Variants in CNTN4 observed in about 807,000 individuals in gnomAD.
CNTN4 encodes contactin-4.
A neutral mutation model predicts 122.5 loss-of-function variants in CNTN4; 77 were observed. The observed-to-expected ratio is 0.63, with a 90% confidence interval of 0.52 to 0.76. The LOEUF is 0.76. Ranked by LOEUF, CNTN4 falls within the 30% of genes least tolerant of loss-of-function variation. The pLI is 0.00. For synonymous variants in CNTN4, 512 were observed against 447.0 expected (o/e 1.15, Z -1.83); for missense variants, 1,256 against 1,259.1 (o/e 1.00, Z 0.04).
intron 4 of CNTN4, among the ~76,000 whole-genome samples, chr3:2,712,330 T>A (rs2087199204): frequency 6.6e-6 from 1 of 152,156 alleles, no homozygotes; most frequent in Non-Finnish European, 1.5e-5. Context: ...CGAAAATAAA[T>A]TATTACTTGA....
chr3:2,602,330 A>G (rs1316925210), intron 4 of CNTN4, among the ~76,000 whole-genome samples: 1 of 152,210 alleles, frequency 6.6e-6, no homozygotes, highest in Non-Finnish European at 1.5e-5. Context: ...ACATGATTGT[A>G]TATTTAGAAA....
chr3:2,677,833 A>G (rs1005350139), intron 4 of CNTN4, among the ~76,000 whole-genome samples: 2 of 152,188 alleles, frequency 1.3e-5, no homozygotes, highest in Admixed American at 1.3e-4. Flanking sequence ...GCATCTTATC[A>G]TGCACAAGTC....
chr3:2,454,874 A>G (rs571175845), intron 3 of CNTN4, among the ~76,000 whole-genome samples: 1 of 152,324 alleles, frequency 6.6e-6, no homozygotes, highest in Admixed American at 6.5e-5. Context: ...AGATGAAAAT[A>G]TAGCTGTTGC....
At chr3:2,324,141 A>G (rs184823672) in intron 2 of CNTN4, among the ~76,000 whole-genome samples, 5 of 152,288 alleles carry the variant, frequency 3.3e-5, no homozygotes, top group Admixed American at 3.3e-4. Flanking sequence ...GATATTGTCT[A>G]GTGTCCTCTG....
chr3:2,425,363 C>T (rs906185764), intron 3 of CNTN4, among the ~76,000 whole-genome samples: 2 of 151,992 alleles, frequency 1.3e-5, no homozygotes, highest in Non-Finnish European at 2.9e-5. Context: ...TCAGGTTTGT[C>T]AAAGATCAGA....
At chr3:2,778,249 TAAATAAAATAAAG>T (rs2091428404) in intron 6 of CNTN4, among the ~76,000 whole-genome samples, 6 of 127,148 alleles carry the variant, frequency 4.7e-5, no homozygotes, top group African/African-American at 1.1e-4. Context: ...AATAAATAAA[TAAATAAAATAAAG>T]AAATAACTGT....
intron 2 of CNTN4, among the ~76,000 whole-genome samples, chr3:2,170,195 C>A (rs972795292): frequency 1.3e-5 from 2 of 151,816 alleles, no homozygotes; most frequent in South Asian, 4.2e-4. Flanking sequence ...GTGGCGGCGC[C>A]TGTAGTCCCA....
At chr3:2,552,330 T>C (rs1475649413) in intron 3 of CNTN4, among the ~76,000 whole-genome samples, 1 of 152,202 alleles carries the variant, frequency 6.6e-6, no homozygotes, top group Non-Finnish European at 1.5e-5. Flanking sequence ...AACAACAACT[T>C]CACTTCTTTT....
At position 2,135,041 on chromosome 3, in the gene CNTN4, T is replaced by C. The variant is rs1176639378; in HGVS notation, c.-145+34402T>C. Among the ~76,000 whole-genome samples, 5 of 152,148 alleles carry C rather than the reference T, an allele frequency of 3.3e-5. No individual in the cohort carries two copies. The South Asian group carries it at 1.0e-3, about 32-fold the overall frequency. On this transcript the variant is annotated intron_variant, in intron 2 of 24. Coordinates refer to ENST00000418658, the MANE Select transcript of CNTN4 (RefSeq NM_175607.3). ...CACAGCCCCTTACAACAAAGAGTTA[T>C]CAGGCCCAAAATGTCAGTAGTATCA...
chr3:2,169,462 G>C (rs112489226), intron 2 of CNTN4, among the ~76,000 whole-genome samples: 9 of 151,882 alleles, frequency 5.9e-5, no homozygotes, highest in Admixed American at 4.6e-4. Flanking sequence ...GCTGGAGTGC[G>C]GTGGCGCGAT....
intron 5 of CNTN4, among the ~76,000 whole-genome samples, chr3:2,742,918 C>T (rs1008817577): frequency 3.3e-5 from 5 of 152,140 alleles, no homozygotes; most frequent in African/African-American, 4.8e-5. Context: ...CTTGGTATAG[C>T]GCTTTGTAAT....
intron 2 of CNTN4, among the ~76,000 whole-genome samples, chr3:2,138,193 G>C (rs1053693004): frequency 4.0e-5 from 6 of 151,530 alleles, no homozygotes; most frequent in Non-Finnish European, 7.4e-5. Context: ...CAGCTCCCTA[G>C]TTACTGGGAC....
At chr3:2,195,473 C>G (rs904034320) in intron 2 of CNTN4, among the ~76,000 whole-genome samples, 3 of 152,004 alleles carry the variant, frequency 2.0e-5, no homozygotes, top group African/African-American at 7.3e-5. Flanking sequence ...TATGGCAGTT[C>G]TATTTTTAGT....
At chr3:2,414,593 C>G (rs1559531610) in intron 3 of CNTN4, among the ~76,000 whole-genome samples, 1 of 151,892 alleles carries the variant, frequency 6.6e-6, no homozygotes, top group African/African-American at 2.4e-5. Context: ...TTATCAGAAA[C>G]AAATGAATAT....
chr3:2,697,628 T>C, intron 4 of CNTN4, among the ~76,000 whole-genome samples: 1 of 152,188 alleles, frequency 6.6e-6, no homozygotes, highest in East Asian at 1.9e-4. Context: ...ACAATATATA[T>C]TTTTTCTTAG....
At chr3:2,478,408 G>GTT (rs11369134) in intron 3 of CNTN4, among the ~76,000 whole-genome samples, 26,429 of 146,942 alleles carry the variant, frequency 0.18, 3,012 homozygotes, top group Admixed American at 0.27. Context: ...TTATCTGTTT[G>GTT]TTTTTTTTTT....
At chr3:2,223,542 A>G (rs1176025624) in intron 2 of CNTN4, among the ~76,000 whole-genome samples, 3 of 152,154 alleles carry the variant, frequency 2.0e-5, no homozygotes, top group African/African-American at 7.2e-5. Flanking sequence ...AATAATAATT[A>G]TTATTGCCTC....
intron 2 of CNTN4, among the ~76,000 whole-genome samples, chr3:2,216,637 T>G (rs1251311670): frequency 6.6e-6 from 1 of 152,186 alleles, no homozygotes; most frequent in African/African-American, 2.4e-5. Flanking sequence ...TTAATGAAAC[T>G]AAGGGTGGTG....
chr3:2,621,707 G>A (rs2081997116), intron 4 of CNTN4, among the ~76,000 whole-genome samples: 1 of 152,020 alleles, frequency 6.6e-6, no homozygotes, highest in Admixed American at 6.6e-5. Context: ...GAACCCCATG[G>A]AATGAGAACG....
Sources: allele counts gnomAD v4.1 joint callset (sites outside exome capture counted in the v4.1 genomes callset), GRCh38; gene constraint gnomAD v4.1.1; transcripts MANE v1.5; gene names NCBI Gene and HGNC (gene_info 2026-07-23, HGNC 2026-07-21).